The following EXO1 variants were observed in gnomAD, a reference collection of about 807,000 sequenced individuals.
EXO1 encodes exonuclease 1.
A neutral mutation model predicts 84.5 loss-of-function variants in EXO1; 69 were observed. That is an observed-to-expected ratio of 0.82 (90% CI 0.67 to 1.00). The LOEUF (loss-of-function observed/expected upper bound fraction) is 1.00, where lower values mean the gene tolerates loss of function less well. Ranked by LOEUF, EXO1 falls within the 50% of genes least tolerant of loss-of-function variation. EXO1 has a pLI of 0.00. For synonymous variants in EXO1, 373 were observed against 366.1 expected (o/e 1.02, Z -0.21); for missense variants, 1,045 against 1,000.7 (o/e 1.04, Z -0.60).
At position 241,885,569 on chromosome 1, in the gene EXO1, C is replaced by G. The variant is rs766399803; in HGVS notation, c.2405+62C>G. 3 of 1,249,444 alleles carry G rather than the reference C, an allele frequency of 2.4e-6. No individual in the cohort carries two copies. In the East Asian group the frequency reaches 7.0e-5, roughly 29 times the overall value. 77.4% of individuals were successfully genotyped at this position (1,249,444 alleles called of 1,614,324 possible). A position where few individuals can be genotyped will look rare whatever the true frequency, so the allele number is the denominator to read the frequency against. On this transcript the variant is annotated intron_variant, in intron 15 of 15. Coordinates refer to ENST00000366548, the MANE Select transcript of EXO1 (RefSeq NM_130398.4). Reference sequence around the variant, plus strand: ...ACTGTTATTTTCTGTAATTTCCATCCCTTTCTCCCAACTCTTCCTAGTTTC... The same window carrying G: ...ACTGTTATTTTCTGTAATTTCCATCGCTTTCTCCCAACTCTTCCTAGTTTC...
intron 15 of EXO1, among the ~76,000 whole-genome samples, chr1:241,885,851 G>GTTTTTTTTTTTTTTTTT (rs953418298): frequency 1.0e-5 from 1 of 99,820 alleles, no homozygotes; most frequent in African/African-American, 4.2e-5. Context: ...TTTGTTTTTT[G>GTTTTTTTTTTTTTTTTT]TTTTTTGTTT....
intron 6 of EXO1, among the ~76,000 whole-genome samples, chr1:241,855,713 G>T (rs184187662): frequency 2.0e-5 from 3 of 152,266 alleles, no homozygotes; most frequent in African/African-American, 7.2e-5. Context: ...CTGCAGTCCC[G>T]AGTCCTGCCC....
chr1:241,875,621 T>C (rs188666096), intron 12 of EXO1, among the ~76,000 whole-genome samples: 2 of 152,266 alleles, frequency 1.3e-5, no homozygotes, highest in Non-Finnish European at 2.9e-5. Context: ...GTTCATGCCT[T>C]TAATCCCAGC....
Position 241,857,483 on chromosome 1 carries a change from G to A in EXO1, c.543+1G>A. 1 of 1,612,918 alleles carries A rather than the reference G, an allele frequency of 6.2e-7. No individual in the cohort carries two copies. Among genetic ancestry groups the A allele is most frequent in the Non-Finnish European group, 8.5e-7 (1 of 1,179,404 alleles). The stretch of plus-strand genomic sequence containing the variant: ...TCTCCTAGCTTTTGGCTGTAAAAAG[G>A]TACTCACCTCTGACTACTATATATT... On this transcript the variant is annotated splice_donor_variant, in intron 7 of 15. Transcript: ENST00000366548. LOFTEE classifies it high-confidence loss of function.
chr1:241,877,649 T>A (rs1662473426), intron 12 of EXO1, among the ~76,000 whole-genome samples: 1 of 152,198 alleles, frequency 6.6e-6, no homozygotes, highest in African/African-American at 2.4e-5. Flanking sequence ...TCATGTATAA[T>A]AGGATATTTG....
At chr1:241,873,073 T>G (rs1315805976) in intron 12 of EXO1, among the ~76,000 whole-genome samples, 1 of 143,530 alleles carries the variant, frequency 7.0e-6, no homozygotes, top group African/African-American at 2.8e-5. Flanking sequence ...GGTAACTCAT[T>G]GTGGGTTTTT....
rs554720848 is a variant in EXO1 at position 241,864,949 on chromosome 1, T to C, written c.1042-1881T>C. ...TCCAGGCTGGAGTGCAGTGGCACCA[T>C]CAGAGCTCCTGGGCTCAAGCGATCT... is the stretch of plus-strand genomic sequence containing the variant. On this transcript the variant is annotated intron_variant, in intron 10 of 15. Coordinates refer to ENST00000366548, the MANE Select transcript of EXO1 (RefSeq NM_130398.4). 1.1e-4 allele frequency among the ~76,000 whole-genome samples: 17 copies of C among 151,156 alleles called. 1 individual carries two copies. In the East Asian group the frequency reaches 3.3e-3, roughly 29 times the overall value.
chr1:241,865,096 C>G (rs1387803473), intron 10 of EXO1, among the ~76,000 whole-genome samples: 1 of 151,180 alleles, frequency 6.6e-6, no homozygotes, highest in Non-Finnish European at 1.5e-5. Flanking sequence ...TCTTGAACTC[C>G]TGGCCTGAAG....
In EXO1 at chr1:241,861,454, T is replaced by C. The variant is rs1218526902; in HGVS notation, c.993T>C (p.Asp331=). The change falls in exon 10 of 16, where the codon GAT becomes GAC. Residue 331 remains aspartate, a synonymous_variant. Coordinates refer to ENST00000366548, the MANE Select transcript of EXO1 (RefSeq NM_130398.4). ...IALQIALGNK[D]INTFEQIDDY... ...TTCAAATAGCACTTGGAAATAAAGA[T>C]ATAAATACTTTTGAACAGATCGATG... 6.3e-7 allele frequency: 1 copy of C among 1,593,466 alleles called. No individual in the cohort carries two copies. The highest frequency in any genetic ancestry group is 8.6e-7 in the Non-Finnish European group (1 of 1,161,284).
intron 11 of EXO1, among the ~76,000 whole-genome samples, chr1:241,868,640 C>T (rs1198269026): frequency 1.3e-5 from 2 of 152,136 alleles, no homozygotes; most frequent in Non-Finnish European, 2.9e-5. Context: ...TGCGCCCCAG[C>T]CTGAGTGACA....
rs777157577 is a variant in EXO1 at position 241,882,000 on chromosome 1, A to G, written c.2194A>G (p.Thr732Ala). 3.3e-6 allele frequency: 5 copies of G among 1,538,358 alleles called. No homozygotes were observed. In the Admixed American group the frequency reaches 6.7e-5, roughly 21 times the overall value. Residue 732 changes from threonine (T) to alanine (A), a missense_variant, in exon 14 of 16, where the codon ACA (threonine) becomes GCA (alanine). Coordinates refer to ENST00000366548, the MANE Select transcript of EXO1 (RefSeq NM_130398.4). ...LRLSHFSKKD[T>A]PLRNKVPGLY... ...TTTATCTCATTTCTCAAAAAAAGACACACCTCTAAGGAACAAGGTAAAACA... is the reference window on the plus strand; with the variant it reads ...TTTATCTCATTTCTCAAAAAAAGACGCACCTCTAAGGAACAAGGTAAAACA...
At chr1:241,886,834 G>T (rs897864637) in intron 15 of EXO1, among the ~76,000 whole-genome samples, 2 of 151,680 alleles carry the variant, frequency 1.3e-5, no homozygotes, top group Non-Finnish European at 2.9e-5. Context: ...AAGAAAAGTG[G>T]CATGGCTTTA....
chr1:241,855,727 A>G (rs561681132), intron 6 of EXO1, among the ~76,000 whole-genome samples: 5 of 152,220 alleles, frequency 3.3e-5, no homozygotes, highest in Non-Finnish European at 5.9e-5. Flanking sequence ...CCTGCCCCGC[A>G]GGAAGGCAGC....
chr1:241,864,562 TTC>T (rs1432365182), intron 10 of EXO1, among the ~76,000 whole-genome samples: 1 of 152,238 alleles, frequency 6.6e-6, no homozygotes, highest in East Asian at 1.9e-4. Context: ...GGTCAAATAA[TTC>T]TCTCTTTCGT....
rs567784514 is a variant in EXO1 at position 241,877,754 on chromosome 1, A to G, written c.1515-995A>G. Among the ~76,000 whole-genome samples the G allele has an allele frequency of 7.2e-5, 11 of 152,182 alleles. No homozygotes were observed. In the East Asian group the frequency reaches 1.7e-3, roughly 24 times the overall value. ...TTAAAGCTGCTATACTGAATAAGTA[A>G]TACCTCTTTAGTAATATGGAATTTA... On this transcript the variant is annotated intron_variant, in intron 12 of 15. Transcript: ENST00000366548.
intron 10 of EXO1, among the ~76,000 whole-genome samples, chr1:241,865,400 G>A (rs1274126965): frequency 6.6e-6 from 1 of 151,602 alleles, no homozygotes; most frequent in Non-Finnish European, 1.5e-5. Flanking sequence ...TAGTAGAGAT[G>A]GGGTTTCATC....
intron 12 of EXO1, among the ~76,000 whole-genome samples, chr1:241,875,689 T>C (rs183646320): frequency 6.1e-4 from 93 of 152,210 alleles, no homozygotes; most frequent in Middle Eastern, 3.4e-3. Context: ...CCATCCTGGC[T>C]AACATGGTGA....
intron 6 of EXO1, among the ~76,000 whole-genome samples, chr1:241,856,411 A>G (rs774523263): frequency 1.3e-5 from 2 of 152,022 alleles, no homozygotes; most frequent in Non-Finnish European, 2.9e-5. Context: ...AGTTTATTTT[A>G]AAAGTATTTT....
chr1:241,852,170 C>A, intron 4 of EXO1, 122 bp from the exon 5 acceptor site: 1 of 865,080 alleles, frequency 1.2e-6, no homozygotes, highest in Non-Finnish European at 1.8e-6. Context: ...ATGAAAACAT[C>A]TGCTTAAAAT....
Sources: allele counts gnomAD v4.1 joint callset (sites outside exome capture counted in the v4.1 genomes callset), GRCh38; gene constraint gnomAD v4.1.1; transcripts MANE v1.5; gene names NCBI Gene and HGNC (gene_info 2026-07-23, HGNC 2026-07-21).